Variants in ARHGEF28 observed in about 807,000 individuals in gnomAD.
ARHGEF28 encodes the protein 190 kDa guanine nucleotide exchange factor.
In ARHGEF28, 152 loss-of-function variants were observed where a neutral mutation model predicts 206.6. The ratio of observed to expected loss-of-function variants is 0.74; its 90% CI spans 0.64 to 0.84. The LOEUF (loss-of-function observed/expected upper bound fraction) is 0.84. Ranked by LOEUF, ARHGEF28 falls within the 40% of genes least tolerant of loss-of-function variation. The pLI is 0.00. For synonymous variants in ARHGEF28, 763 were observed against 776.4 expected, an observed-to-expected ratio of 0.98 and a Z score of 0.29; for missense variants, 2,028 against 2,073.2, an observed-to-expected ratio of 0.98 and a Z score of 0.42.
At chr5:73,933,177 A>G (rs1242581338) in intron 35 of ARHGEF28, among the ~76,000 whole-genome samples, 1 of 151,684 alleles carries the variant, frequency 6.6e-6, no homozygotes, top group Non-Finnish European at 1.5e-5. Context: ...ACTGGAGAAT[A>G]GAAATCCAAA....
At chr5:73,682,456 T>C (rs1747171887) in intron 1 of ARHGEF28, among the ~76,000 whole-genome samples, 1 of 151,830 alleles carries the variant, frequency 6.6e-6, no homozygotes, top group Non-Finnish European at 1.5e-5. Flanking sequence ...TCACTCTTAT[T>C]GCCCAGGCTG....
chr5:73,647,564 A>G (rs1744513075), intron 1 of ARHGEF28, among the ~76,000 whole-genome samples: 1 of 152,256 alleles, frequency 6.6e-6, no homozygotes, highest in Non-Finnish European at 1.5e-5. Flanking sequence ...CAAAAGTGGT[A>G]GGTGAAAGTA....
At chr5:73,747,350 G>A (rs1751775028) in intron 2 of ARHGEF28, among the ~76,000 whole-genome samples, 1 of 152,106 alleles carries the variant, frequency 6.6e-6, no homozygotes, top group African/African-American at 2.4e-5. Context: ...GATTTTCAGT[G>A]GACTCAGTGG....
chr5:73,864,989 GATAAC>G, intron 17 of ARHGEF28, 117 bp downstream of exon 17: 1 of 876,444 alleles, frequency 1.1e-6, no homozygotes. Context: ...TCATGATAGC[GATAAC>G]ATAACATATG....
At chr5:73,915,692 T>A (rs1443426399) in intron 35 of ARHGEF28, among the ~76,000 whole-genome samples, 1 of 152,202 alleles carries the variant, frequency 6.6e-6, no homozygotes, top group South Asian at 2.1e-4. Context: ...TTTTTTCTCC[T>A]AGCTTTAACA....
intron 1 of ARHGEF28, among the ~76,000 whole-genome samples, chr5:73,631,177 A>G (rs903168859): frequency 6.6e-6 from 1 of 152,200 alleles, no homozygotes; most frequent in African/African-American, 2.4e-5. Context: ...AATAATTTCT[A>G]TCAGGCAAAG....
intron 9 of ARHGEF28, among the ~76,000 whole-genome samples, chr5:73,814,534 A>C (rs1175319813): frequency 1.3e-5 from 2 of 152,050 alleles, no homozygotes; most frequent in African/African-American, 4.8e-5. Context: ...GATAGTGTGT[A>C]ATCCTTCCCC....
At chr5:73,911,629 T>G in intron 35 of ARHGEF28, 54 bp downstream of exon 35, 1 of 1,497,590 alleles carries the variant, frequency 6.7e-7, no homozygotes, top group East Asian at 2.5e-5. Context: ...GTTGTCCCTC[T>G]GAATGGTTGG....
Position 73,774,025 on chromosome 5 carries a change from G to A in ARHGEF28, c.646G>A (p.Glu216Lys). 2 of 1,594,100 alleles carry A rather than the reference G, an allele frequency of 1.3e-6. No individual in the cohort carries two copies. Among genetic ancestry groups the A allele is most frequent in the Non-Finnish European group, 1.7e-6 (2 of 1,170,074 alleles). Residue 216 changes from glutamate (E) to lysine (K), a missense_variant, in exon 5 of 36, where the codon GAA becomes AAA. Glu to Lys is a moderately conservative substitution (Grantham distance 56). Around this residue, in one of 3 missense-constraint regions of ARHGEF28, gnomAD observed 1,002 missense variants for 1,015.3 expected, o/e 0.99. Transcript: ENST00000513042. ...ALREGHSKLVEDVTNFQGRWS... is the reference protein window; with the variant it reads ...ALREGHSKLVKDVTNFQGRWS... Reference sequence around the variant, plus strand: ...ACGTGAAGGACACTCCAAGCTGGTGGAAGACGTCACAAAGTGAGTTTAGCT... The same window carrying A: ...ACGTGAAGGACACTCCAAGCTGGTGAAAGACGTCACAAAGTGAGTTTAGCT...
chr5:73,738,007 G>A (rs888501213), intron 2 of ARHGEF28, among the ~76,000 whole-genome samples: 1 of 152,166 alleles, frequency 6.6e-6, no homozygotes, highest in African/African-American at 2.4e-5. Flanking sequence ...ACCTGAAAGC[G>A]CTCTATGGTT....
chr5:73,858,428 G>C (rs376418226), intron 16 of ARHGEF28, among the ~76,000 whole-genome samples: 1 of 124,376 alleles, frequency 8.0e-6, no homozygotes, highest in Non-Finnish European at 1.7e-5. Context: ...TTGTATGCCT[G>C]TCTCCACTGG....
chr5:73,756,533 A>G (rs780125776), intron 4 of ARHGEF28, among the ~76,000 whole-genome samples: 3 of 152,156 alleles, frequency 2.0e-5, no homozygotes, highest in Non-Finnish European at 2.9e-5. Flanking sequence ...GTCGAATTTT[A>G]CTCTGAAGGT....
intron 5 of ARHGEF28, 125 bp from the exon 6 acceptor site, chr5:73,776,391 A>C: frequency 1.3e-6 from 1 of 745,744 alleles, no homozygotes; most frequent in Non-Finnish European, 2.1e-6. Flanking sequence ...TATTGCACGT[A>C]GGTGACTTTC....
chr5:73,794,783 T>C (rs758022884), intron 8 of ARHGEF28, among the ~76,000 whole-genome samples: 5 of 152,082 alleles, frequency 3.3e-5, no homozygotes, highest in Non-Finnish European at 7.4e-5. Context: ...ATTTTTGTAT[T>C]TCTAGTAGAG....
At chr5:73,938,338 A>G (rs1351245433) in intron 35 of ARHGEF28, among the ~76,000 whole-genome samples, 1 of 152,204 alleles carries the variant, frequency 6.6e-6, no homozygotes, top group Non-Finnish European at 1.5e-5. Flanking sequence ...GAAGCCATTA[A>G]GGGGATTTTC....
At chr5:73,728,178 T>G (rs1246029927) in intron 2 of ARHGEF28, among the ~76,000 whole-genome samples, 1 of 152,228 alleles carries the variant, frequency 6.6e-6, no homozygotes, top group Admixed American at 6.5e-5. Flanking sequence ...GATAATGATA[T>G]CTATGCTGTC....
chr5:73,724,644 T>C (rs2112337315), intron 2 of ARHGEF28, among the ~76,000 whole-genome samples: 1 of 152,378 alleles, frequency 6.6e-6, no homozygotes, highest in South Asian at 2.1e-4. Context: ...TGTCATATAA[T>C]TGGAATCCTA....
chr5:73,813,553 T>C (rs1295593308), intron 9 of ARHGEF28: 6 of 1,534,864 alleles, frequency 3.9e-6, no homozygotes, highest in Admixed American at 2.0e-5. Flanking sequence ...CCTGAGTCTC[T>C]ACTGTTTCAT....
chr5:73,692,717 A>G (rs1307200948), intron 2 of ARHGEF28, among the ~76,000 whole-genome samples: 2 of 152,186 alleles, frequency 1.3e-5, no homozygotes, highest in African/African-American at 4.8e-5. Context: ...GGGCCGGAGG[A>G]CAGGGCCCAA....
Sources: allele counts gnomAD v4.1 joint callset (sites outside exome capture counted in the v4.1 genomes callset), GRCh38; gene constraint gnomAD v4.1.1; regional missense constraint gnomAD v4.1.1; transcripts MANE v1.5; gene names NCBI Gene and HGNC (gene_info 2026-07-23, HGNC 2026-07-21).